The following TNIP1 variants were observed in gnomAD, a reference collection of about 807,000 sequenced individuals.
TNIP1 encodes the protein TNFAIP3-interacting protein 1.
In TNIP1, 22 loss-of-function variants were observed where a neutral mutation model predicts 86.6. The observed-to-expected ratio is 0.25, with a 90% CI of 0.18 to 0.36. The LOEUF (loss-of-function observed/expected upper bound fraction) is 0.36. Among genes scored for constraint, TNIP1 ranks in the 10% least tolerant of loss-of-function variants. The pLI is 1.00. For synonymous variants in TNIP1, 294 were observed against 313.0 expected, an observed-to-expected ratio of 0.94 and a Z score of 0.64; for missense variants, 709 against 820.6, an observed-to-expected ratio of 0.86 and a Z score of 1.66.
chr5:151,065,598 T>C (rs2113728704), intron 1 of TNIP1, among the ~76,000 whole-genome samples: 1 of 152,292 alleles, frequency 6.6e-6, no homozygotes, highest in East Asian at 1.9e-4. Context: ...TACTATGGGA[T>C]TATGGGCAGT....
chr5:151,079,771 T>C (rs186461435), intron 1 of TNIP1, among the ~76,000 whole-genome samples: 1 of 152,214 alleles, frequency 6.6e-6, no homozygotes, highest in Admixed American at 6.5e-5. Flanking sequence ...TGTACTAATA[T>C]TCTACCCTCC....
chr5:151,076,692 G>A (rs2113823303), intron 1 of TNIP1, among the ~76,000 whole-genome samples: 1 of 152,244 alleles, frequency 6.6e-6, no homozygotes, highest in Admixed American at 6.5e-5. Context: ...TAAGCAATGA[G>A]GGAAAATGAT....
At chr5:151,071,073 C>A (rs1431014167) in intron 1 of TNIP1, among the ~76,000 whole-genome samples, 1 of 152,120 alleles carries the variant, frequency 6.6e-6, no homozygotes, top group African/African-American at 2.4e-5. Flanking sequence ...ACCTTCTTCT[C>A]AATTTTGCTG....
At chr5:151,074,321 G>C (rs937397888) in intron 1 of TNIP1, among the ~76,000 whole-genome samples, 1 of 152,194 alleles carries the variant, frequency 6.6e-6, no homozygotes, top group Non-Finnish European at 1.5e-5. Flanking sequence ...ACAGACGCAG[G>C]AGGATGGCCT....
At chr5:151,072,372 A>AG (rs1175219533) in intron 1 of TNIP1, among the ~76,000 whole-genome samples, 1 of 152,214 alleles carries the variant, frequency 6.6e-6, no homozygotes, top group Non-Finnish European at 1.5e-5. Flanking sequence ...TCAGGCTGGA[A>AG]GGGAGCTCAG....
chr5:151,087,372 G>C (rs1215947562), upstream of TNIP1, among the ~76,000 whole-genome samples: 1 of 152,162 alleles, frequency 6.6e-6, no homozygotes, highest in Non-Finnish European at 1.5e-5. Flanking sequence ...GTTGGGGTTG[G>C]GGGGGATCTG....
At chr5:151,059,868 C>G (rs10041304) in intron 5 of TNIP1, among the ~76,000 whole-genome samples, 1 of 72,076 alleles carries the variant, frequency 1.4e-5, no homozygotes, top group Non-Finnish European at 2.8e-5. Context: ...TGTGTGTGTG[C>G]GCGCGCGCGC....
intron 6 of TNIP1, among the ~76,000 whole-genome samples, chr5:151,053,127 T>TA (rs1470257405): frequency 1.9e-4 from 18 of 96,768 alleles, no homozygotes; most frequent in African/African-American, 5.8e-4. Flanking sequence ...TTTTTTTTTT[T>TA]AAGACAGAGT....
In TNIP1 at chr5:151,062,150, G is replaced by C. The variant is rs1761653298; in HGVS notation, c.334C>G (p.Pro112Ala). The C allele has an allele frequency of 1.9e-6, 3 of 1,614,058 alleles. No homozygotes were observed. Among genetic ancestry groups the C allele is most frequent in the Non-Finnish European group, 2.5e-6 (3 of 1,180,026 alleles). The change falls in exon 4 of 18, where the codon CCA becomes GCA. Residue 112 changes from proline to alanine, a missense_variant. Transcript: ENST00000521591. The stretch of plus-strand genomic sequence containing the variant: ...ACACTGGATGGAGGCTTCTGGACTG[G>C]TGCTGGCTTGTCACTGGGGCATGCA... The part of the protein sequence containing the change: ...APACPSDKPA[P>A]VQKPPSSGTS...
intron 13 of TNIP1, 83 bp downstream of exon 13, chr5:151,036,707 G>C: frequency 6.2e-7 from 1 of 1,600,894 alleles, no homozygotes; most frequent in Admixed American, 1.7e-5. Context: ...CAGGTTCCAT[G>C]TGATTCCAAG....
At chr5:151,046,557 C>A (rs1204007518) in intron 8 of TNIP1, among the ~76,000 whole-genome samples, 1 of 152,088 alleles carries the variant, frequency 6.6e-6, no homozygotes, top group Non-Finnish European at 1.5e-5. Context: ...TTCTAAATAC[C>A]ATTTTCTTTT....
chr5:151,046,038 A>G (rs1759121084), intron 8 of TNIP1, 88 bp from the exon 9 acceptor site: 3 of 1,282,020 alleles, frequency 2.3e-6, no homozygotes, highest in Non-Finnish European at 3.3e-6. Context: ...CCCCTCACCC[A>G]AGTGGCCCCA....
intron 3 of TNIP1, among the ~76,000 whole-genome samples, chr5:151,062,437 T>C (rs557667249): frequency 6.6e-6 from 1 of 152,336 alleles, no homozygotes; most frequent in African/African-American, 2.4e-5. Flanking sequence ...CTGGGCTTAC[T>C]GGGAAAATCC....
rs1761851967 is a variant in TNIP1 at position 151,063,552 on chromosome 5, T to C, written c.271+61A>G. On this transcript the variant is annotated intron_variant, in intron 3 of 17. Coordinates refer to ENST00000521591, the MANE Select transcript of TNIP1 (RefSeq NM_006058.5). ...TTTGGCATAAGAAGGGAGTTCACTG[T>C]GAAGGATTTGGGCAGTTTGGGGTAC... 3 of 1,584,236 alleles carry C rather than the reference T, an allele frequency of 1.9e-6. No individual in the cohort carries two copies. The East Asian group carries it at 6.8e-5, about 36-fold the overall frequency.
At chr5:151,031,986 T>C (rs1561796521) in intron 17 of TNIP1, 3 of 280,398 alleles carry the variant, frequency 1.1e-5, no homozygotes, top group African/African-American at 4.4e-5. Flanking sequence ...TGTTTATTCA[T>C]TTCTGCCTCC....
rs747647386 is a variant in TNIP1 at position 151,049,966 on chromosome 5, G to A, written c.723-19C>T. On this transcript the variant is annotated intron_variant, in intron 7 of 17. Transcript: ENST00000521591. Reference sequence around the variant, plus strand: ...TTCCTCCCTGGGATGGAGGTAAACAGAGAAATCACAATGCTGACCCTGAGT... The same window carrying A: ...TTCCTCCCTGGGATGGAGGTAAACAAAGAAATCACAATGCTGACCCTGAGT... The A allele has an allele frequency of 2.5e-6, 4 of 1,613,768 alleles. No homozygotes were observed. Among genetic ancestry groups the A allele is most frequent in the Admixed American group, 3.3e-5 (2 of 60,010 alleles).
chr5:151,046,081 G>A (rs1376477002), intron 8 of TNIP1, 131 bp from the exon 9 acceptor site: 1 of 724,996 alleles, frequency 1.4e-6, no homozygotes, highest in East Asian at 2.7e-5. Context: ...CCACCCAGCA[G>A]GACACCACTA....
chr5:151,081,642 AT>A (rs1354178378), upstream of TNIP1, among the ~76,000 whole-genome samples: 1 of 152,174 alleles, frequency 6.6e-6, no homozygotes, highest in Non-Finnish European at 1.5e-5. Context: ...TGCGTGCATT[AT>A]TTTCTTCGCA....
In TNIP1 at chr5:151,062,323, C is replaced by T. The variant is rs993909659; in HGVS notation, c.272-111G>A. 20 of 972,178 alleles carry T rather than the reference C, an allele frequency of 2.1e-5. No individual in the cohort carries two copies. The African/African-American group carries it at 2.8e-4, about 13-fold the overall frequency. The allele number at this position is 972,178 out of a possible 1,614,324, so 60.2% of individuals were successfully genotyped here. ...GGGTTCTCAGACAGGATTCCCCACT[C>T]GAGTGTGGGAGAATGGGAGGTGGTC... On this transcript the variant is annotated intron_variant, in intron 3 of 17. Coordinates refer to ENST00000521591, the MANE Select transcript of TNIP1 (RefSeq NM_006058.5).
Sources: gnomAD v4.1 joint callset for allele counts (sites outside exome capture counted in the v4.1 genomes callset) on GRCh38, gnomAD v4.1.1 for gene constraint, MANE v1.5 for transcripts, NCBI Gene and HGNC (gene_info 2026-07-23, HGNC 2026-07-21) for gene names.